HDAC9: variants seen among roughly 807,000 people sequenced by gnomAD.
HDAC9 encodes the protein histone deacetylase 9, also known as MEF-2 interacting transcription repressor (MITR) protein.
Under a neutral mutation model 139.4 loss-of-function variants are expected in HDAC9, and 41 were observed. The ratio of observed to expected loss-of-function variants is 0.29; its 90% CI spans 0.23 to 0.38. HDAC9 has a LOEUF of 0.38. Among genes scored for constraint, HDAC9 ranks in the 10% least tolerant of loss-of-function variants. The pLI is 1.00. For synonymous variants in HDAC9, 517 were observed against 476.2 expected (o/e 1.09, Z -1.12); for missense variants, 1,147 against 1,297.0 (o/e 0.88, Z 1.78).
intron 2 of HDAC9, among the ~76,000 whole-genome samples, chr7:18,504,502 G>A (rs1200790163): frequency 6.6e-6 from 1 of 152,020 alleles, no homozygotes; most frequent in Non-Finnish European, 1.5e-5. Flanking sequence ...ATGGGGTTTC[G>A]CCATATTGGC....
chr7:18,727,511 A>G, intron 12 of HDAC9, 69 bp from the exon 13 acceptor site: 2 of 1,302,884 alleles, frequency 1.5e-6, no homozygotes, highest in Non-Finnish European at 2.1e-6. Context: ...ATTTGTTGAC[A>G]TGTCGCTCAG....
At chr7:18,525,601 A>G (rs535094811) in intron 2 of HDAC9, among the ~76,000 whole-genome samples, 7 of 152,234 alleles carry the variant, frequency 4.6e-5, no homozygotes, top group East Asian at 1.9e-4. Context: ...TTTAAAAGCT[A>G]CTGTTTATAT....
chr7:18,670,784 T>C (rs2129083520), intron 12 of HDAC9, among the ~76,000 whole-genome samples: 1 of 152,132 alleles, frequency 6.6e-6, no homozygotes, highest in Middle Eastern at 3.4e-3. Context: ...CTCTCTCTCC[T>C]CATTAGCATT....
intron 2 of HDAC9, among the ~76,000 whole-genome samples, chr7:18,584,809 CCTTTA>C (rs1370956217): frequency 6.6e-6 from 1 of 152,180 alleles, no homozygotes; most frequent in African/African-American, 2.4e-5. Flanking sequence ...TATATTACAA[CCTTTA>C]CTTTGTAAAG....
At chr7:18,491,597 A>C (rs953766813), upstream of HDAC9, among the ~76,000 whole-genome samples, 5 of 151,996 alleles carry the variant, frequency 3.3e-5, no homozygotes, top group African/African-American at 1.2e-4. Context: ...ATTTTCTTTC[A>C]CAAGCGCAGA....
At chr7:18,985,080 A>C (rs994164790) in intron 25 of HDAC9, among the ~76,000 whole-genome samples, 6 of 151,622 alleles carry the variant, frequency 4.0e-5, no homozygotes, top group African/African-American at 1.5e-4. Context: ...CTATTTATTT[A>C]TTATTATTAT....
At chr7:18,481,504 A>C (rs943270882) in intron 1 of HDAC9, among the ~76,000 whole-genome samples, 1 of 152,138 alleles carries the variant, frequency 6.6e-6, no homozygotes, top group Admixed American at 6.5e-5. Flanking sequence ...GCTGAACACT[A>C]TGGGTTATGG....
intron 17 of HDAC9, among the ~76,000 whole-genome samples, chr7:18,825,215 G>A (rs1489526369): frequency 6.6e-6 from 1 of 152,188 alleles, no homozygotes; most frequent in Non-Finnish European, 1.5e-5. Context: ...ATGGGTGATG[G>A]CTGAATTCAT....
chr7:18,987,678 C>T (rs1036608182), intron 25 of HDAC9, among the ~76,000 whole-genome samples: 3 of 152,052 alleles, frequency 2.0e-5, no homozygotes, highest in African/African-American at 7.2e-5. Context: ...TAGAATTCGG[C>T]TGTGAATCCA....
intron 22 of HDAC9, among the ~76,000 whole-genome samples, chr7:18,920,779 T>C (rs190475630): frequency 3.0e-4 from 45 of 152,294 alleles, no homozygotes; most frequent in Admixed American, 4.6e-4. Context: ...TGGTTCTGTT[T>C]ATATGCTGGA....
intron 24 of HDAC9, among the ~76,000 whole-genome samples, chr7:18,973,360 A>T (rs1035025381): frequency 6.6e-6 from 1 of 152,324 alleles, no homozygotes; most frequent in African/African-American, 2.4e-5. Flanking sequence ...TAGCTTTGTA[A>T]ATGTCATCTG....
intron 1 of HDAC9, among the ~76,000 whole-genome samples, chr7:18,395,836 A>T (rs952001386): frequency 2.0e-5 from 3 of 152,166 alleles, no homozygotes; most frequent in African/African-American, 4.8e-5. Flanking sequence ...GTAGAATTTC[A>T]TGTTGATACC....
At chr7:18,210,278 A>AT (rs1157676341) in intron 2 of HDAC9, among the ~76,000 whole-genome samples, 2 of 152,188 alleles carry the variant, frequency 1.3e-5, no homozygotes, top group Non-Finnish European at 2.9e-5. Flanking sequence ...GAAACTTTGA[A>AT]TTTATAATTA....
intron 1 of HDAC9, among the ~76,000 whole-genome samples, chr7:18,479,286 G>A (rs1795359493): frequency 6.6e-6 from 1 of 152,074 alleles, no homozygotes. Flanking sequence ...GATTTTCTGA[G>A]TGGGAGTGTA....
intron 1 of HDAC9, among the ~76,000 whole-genome samples, chr7:18,132,329 A>T (rs1467999469): frequency 6.6e-6 from 1 of 152,202 alleles, no homozygotes; most frequent in East Asian, 1.9e-4. Flanking sequence ...TAATATGAAG[A>T]ATAATAGGTA....
intron 1 of HDAC9, among the ~76,000 whole-genome samples, chr7:18,105,582 A>T (rs1030534356): frequency 1.4e-5 from 2 of 143,476 alleles, no homozygotes; most frequent in African/African-American, 5.2e-5. Flanking sequence ...TGCTTTCTAG[A>T]TGTGGATTTC....
At chr7:18,793,181 A>T in intron 16 of HDAC9, 164 bp from the exon 17 acceptor site, 1 of 608,138 alleles carries the variant, frequency 1.6e-6, no homozygotes, top group Non-Finnish European at 3.0e-6. Context: ...CGGAAGACTA[A>T]TGTTATTGTA....
At chr7:18,130,539 C>T (rs1476832157) in intron 1 of HDAC9, among the ~76,000 whole-genome samples, 3 of 152,026 alleles carry the variant, frequency 2.0e-5, no homozygotes, top group Non-Finnish European at 2.9e-5. Context: ...TCATACAGTT[C>T]AACCATTTAA....
At chr7:18,885,422 A>G (rs1456462477) in intron 22 of HDAC9, among the ~76,000 whole-genome samples, 2 of 152,190 alleles carry the variant, frequency 1.3e-5, no homozygotes, top group African/African-American at 4.8e-5. Context: ...ATTAAATGAG[A>G]TAATATATAC....
Sources: allele counts gnomAD v4.1 joint callset (sites outside exome capture counted in the v4.1 genomes callset), GRCh38; gene constraint gnomAD v4.1.1; transcripts MANE v1.5; gene names NCBI Gene and HGNC (gene_info 2026-07-23, HGNC 2026-07-21).